The following FRMD4B variants were observed in gnomAD, a reference collection of about 807,000 sequenced individuals.
FRMD4B encodes FERM domain containing 4B, also known as FERM domain-containing protein 4B.
Under a neutral mutation model 141.5 loss-of-function variants are expected in FRMD4B, and 74 were observed. The observed-to-expected ratio is 0.52, with a 90% CI of 0.43 to 0.63. The LOEUF is 0.63. Ranked by LOEUF, FRMD4B falls within the 30% of genes least tolerant of loss-of-function variation. FRMD4B has a pLI of 0.00. For missense variants in FRMD4B, 1,366 were observed against 1,253.4 expected (o/e 1.09, Z -1.36); for synonymous variants, 506 against 467.9 (o/e 1.08, Z -1.05).
intron 1 of FRMD4B, among the ~76,000 whole-genome samples, chr3:69,440,430 G>A (rs1705326086): frequency 6.6e-6 from 1 of 152,178 alleles, no homozygotes; most frequent in Non-Finnish European, 1.5e-5. Context: ...CCCTTCACCA[G>A]TAATACTGTC....
chr3:69,205,058 A>AC (rs2093009887), intron 11 of FRMD4B, among the ~76,000 whole-genome samples: 2 of 108,598 alleles, frequency 1.8e-5, no homozygotes. Flanking sequence ...TATGTTTTTA[A>AC]CAAAAAAAAA....
Position 69,195,039 on chromosome 3 carries a change from A to C in FRMD4B, c.1471T>G (p.Leu491Val). 1 of 1,613,782 alleles carries C rather than the reference A, an allele frequency of 6.2e-7. No homozygotes were observed. Among genetic ancestry groups the C allele is most frequent in the Non-Finnish European group, 8.5e-7 (1 of 1,179,710 alleles). Reference protein sequence around the residue: ...VGTAFKLDDNLLPSEEDPALQ... With the variant: ...VGTAFKLDDNVLPSEEDPALQ... ...GTTCATACTTCTTCACTCGGCAGCA[A>C]GTTGTCATCTAATTTGAACGCAGTA... The change falls in exon 16 of 23, where the codon TTG becomes GTG. Residue 491 changes from leucine (L) to valine (V), a missense_variant. Transcript: ENST00000398540.
At position 69,344,161 on chromosome 3, in the gene FRMD4B, C is replaced by A. The variant is rs115862176; in HGVS notation, c.163-30644G>T. ...ATCCTGATTTCTTCATGGACAGCATCTCAATGTCTGACTCCAATTAGTGGC... is the reference window on the plus strand; with the variant it reads ...ATCCTGATTTCTTCATGGACAGCATATCAATGTCTGACTCCAATTAGTGGC... On this transcript the variant is annotated intron_variant, in intron 1 of 22. Coordinates refer to ENST00000398540, the MANE Select transcript of FRMD4B (RefSeq NM_015123.3). Among the ~76,000 whole-genome samples, 1,348 of 152,320 alleles carry A rather than the reference C, an allele frequency of 8.8e-3. 23 individuals carry two copies. Among genetic ancestry groups the A allele is most frequent in the African/African-American group, 0.029 (1,220 of 41,558 alleles).
chr3:69,208,663 C>T (rs886451815), intron 11 of FRMD4B, among the ~76,000 whole-genome samples: 1 of 152,174 alleles, frequency 6.6e-6, no homozygotes, highest in Non-Finnish European at 1.5e-5. Context: ...TGTCCCCTCC[C>T]TGCATCCCAT....
At chr3:69,395,270 C>T (rs1350512726) in intron 2 of FRMD4B, among the ~76,000 whole-genome samples, 1 of 151,988 alleles carries the variant, frequency 6.6e-6, no homozygotes, top group East Asian at 1.9e-4. Context: ...AGAGCGGTTA[C>T]TTGAAATCCA....
At chr3:69,311,629 C>T in intron 2 of FRMD4B, among the ~76,000 whole-genome samples, 1 of 152,078 alleles carries the variant, frequency 6.6e-6, no homozygotes, top group East Asian at 1.9e-4. Flanking sequence ...CTAAGGTGCA[C>T]TTACTAAGAT....
intron 5 of FRMD4B, among the ~76,000 whole-genome samples, chr3:69,260,808 A>G (rs2093522109): frequency 1.3e-5 from 2 of 152,250 alleles, no homozygotes; most frequent in Non-Finnish European, 2.9e-5. Flanking sequence ...AGGTTTGTAA[A>G]TGCACCAGTC....
intron 1 of FRMD4B, among the ~76,000 whole-genome samples, chr3:69,328,382 C>T (rs1043428197): frequency 1.3e-5 from 2 of 152,194 alleles, no homozygotes; most frequent in African/African-American, 4.8e-5. Context: ...ATTTACACCA[C>T]AGAAAATGGC....
At chr3:69,247,018 G>GT (rs2093429986) in intron 7 of FRMD4B, among the ~76,000 whole-genome samples, 1 of 152,102 alleles carries the variant, frequency 6.6e-6, no homozygotes, top group Non-Finnish European at 1.5e-5. Context: ...ATAACTATAG[G>GT]TTATTACAGC....
At position 69,291,910 on chromosome 3, in the gene FRMD4B, CTTT is replaced by C. The variant is rs35703345; in HGVS notation, c.417-4077_417-4075del. ...AATACAAAGTGCTCTACAGGAATCT[CTTT>C]TTTTTTTTTTTTTTTTTTTTCCATC... On this transcript the variant is annotated intron_variant, in intron 4 of 22. Transcript: ENST00000398540. Among the ~76,000 whole-genome samples the C allele has an allele frequency of 3.0e-3, 318 of 105,488 alleles. 2 individuals carry two copies. Among genetic ancestry groups the C allele is most frequent in the South Asian group, 0.015 (41 of 2,826 alleles). The allele number at this position is 105,488 out of a possible 152,430, so 69.2% of individuals were successfully genotyped here.
At chr3:69,371,750 G>A (rs761953349) in intron 1 of FRMD4B, among the ~76,000 whole-genome samples, 7 of 152,284 alleles carry the variant, frequency 4.6e-5, no homozygotes, top group East Asian at 1.9e-4. Flanking sequence ...TTCAGCACCC[G>A]GAAGAATGGA....
At chr3:69,538,922 T>C (rs895379742) in intron 1 of FRMD4B, among the ~76,000 whole-genome samples, 3 of 152,154 alleles carry the variant, frequency 2.0e-5, no homozygotes, top group African/African-American at 7.2e-5. Flanking sequence ...GGGAGAGATA[T>C]GTAAGTAAAG....
At chr3:69,288,600 A>G (rs1273424320) in intron 4 of FRMD4B, among the ~76,000 whole-genome samples, 1 of 152,194 alleles carries the variant, frequency 6.6e-6, no homozygotes, top group Non-Finnish European at 1.5e-5. Context: ...CTCTGTTTTC[A>G]TAATCCTGTA....
At chr3:69,409,832 A>G (rs1167225498) in intron 2 of FRMD4B, among the ~76,000 whole-genome samples, 3 of 152,212 alleles carry the variant, frequency 2.0e-5, no homozygotes, top group Non-Finnish European at 4.4e-5. Flanking sequence ...AACAAAGCCC[A>G]CATGTGGGGA....
intron 7 of FRMD4B, among the ~76,000 whole-genome samples, chr3:69,242,761 G>A (rs1169262106): frequency 4.0e-5 from 6 of 151,134 alleles, no homozygotes; most frequent in African/African-American, 1.2e-4. Context: ...TTGGGAGGCC[G>A]AGGATGGTGG....
intron 7 of FRMD4B, among the ~76,000 whole-genome samples, chr3:69,245,775 C>T (rs889555691): frequency 1.3e-5 from 2 of 149,654 alleles, no homozygotes; most frequent in Non-Finnish European, 3.0e-5. Context: ...GCAATTATCT[C>T]GCTTCAGCCT....
At chr3:69,521,213 G>C (rs759969854) in intron 1 of FRMD4B, among the ~76,000 whole-genome samples, 36 of 152,246 alleles carry the variant, frequency 2.4e-4, no homozygotes, top group South Asian at 4.1e-4. Flanking sequence ...TGGGGGTCTG[G>C]CCAGGCCCTA....
At chr3:69,491,156 G>T (rs1340536803) in intron 1 of FRMD4B, among the ~76,000 whole-genome samples, 1 of 152,148 alleles carries the variant, frequency 6.6e-6, no homozygotes, top group African/African-American at 2.4e-5. Context: ...AAATCAAAGC[G>T]GAGTCTGTCC....
At chr3:69,229,431 C>G (rs1437660422) in intron 7 of FRMD4B, among the ~76,000 whole-genome samples, 1 of 152,050 alleles carries the variant, frequency 6.6e-6, no homozygotes, top group African/African-American at 2.4e-5. Context: ...GCAAAATATC[C>G]CTTGTGAATA....
Sources: gnomAD v4.1 joint callset for allele counts (sites outside exome capture counted in the v4.1 genomes callset) on GRCh38, gnomAD v4.1.1 for gene constraint, MANE v1.5 for transcripts, NCBI Gene and HGNC (gene_info 2026-07-23, HGNC 2026-07-21) for gene names.